Variants in RPL35A observed in about 807,000 individuals in gnomAD.
The protein encoded by RPL35A is large ribosomal subunit protein eL33.
Under a neutral mutation model 16.7 loss-of-function variants are expected in RPL35A, and 1 was observed. That is an observed-to-expected ratio of 0.06 (90% CI 0.02 to 0.28). RPL35A has a LOEUF of 0.28. RPL35A is among the 10% of genes least tolerant of loss of function. RPL35A has a pLI of 1.00. For missense variants in RPL35A, 91 were observed against 138.7 expected, an observed-to-expected ratio of 0.66 and a Z score of 1.73; for synonymous variants, 58 against 47.0, an observed-to-expected ratio of 1.23 and a Z score of -0.96.
rs890952619 is a variant in RPL35A, at chr3:197,956,088, C to T, written c.*315C>T. The T allele has an allele frequency of 2.9e-6, 1 of 346,764 alleles. No individual in the cohort carries two copies. Among genetic ancestry groups the T allele is most frequent in the Non-Finnish European group, 5.5e-6 (1 of 181,682 alleles). 21.5% of individuals were successfully genotyped at this position (346,764 alleles called of 1,614,324 possible). On this transcript the variant is annotated 3_prime_UTR_variant, in exon 5 of 5. Transcript: ENST00000647248. ...AATCCTCCCTTGGCCTTTGAAGTAG[C>T]TGGGACCACAGGCTCATGCCACCAT...
intron 1 of RPL35A, 115 bp downstream of exon 1, chr3:197,950,336 C>A: frequency 8.2e-7 from 1 of 1,225,622 alleles, no homozygotes; most frequent in Non-Finnish European, 1.0e-6. Flanking sequence ...TTGATTTCTA[C>A]GGGTTTCAAG....
intron 1 of RPL35A, 160 bp from the exon 2 acceptor site, chr3:197,950,776 G>A: frequency 1.5e-6 from 1 of 646,758 alleles, no homozygotes; most frequent in Non-Finnish European, 2.7e-6. Context: ...ATGTCTTGCC[G>A]GACCCTGCGT....
At chr3:197,951,398 G>A (rs558650615) in intron 3 of RPL35A, 87 bp downstream of exon 3, 1 of 1,436,806 alleles carries the variant, frequency 7.0e-7, no homozygotes, top group Non-Finnish European at 9.8e-7. Context: ...CTGTTGCCGA[G>A]GCTGGAATGC....
intron 4 of RPL35A, among the ~76,000 whole-genome samples, chr3:197,954,870 C>G (rs1283918725): frequency 6.6e-6 from 1 of 152,150 alleles, no homozygotes. Flanking sequence ...TAGAAAGCAA[C>G]AATTCAACAG....
intron 1 of RPL35A, 160 bp downstream of exon 1, chr3:197,950,381 G>A (rs1719954897): frequency 8.4e-7 from 1 of 1,196,640 alleles, no homozygotes; most frequent in Non-Finnish European, 1.0e-6. Flanking sequence ...ATGTTGGGCT[G>A]ATGGTGTTTG....
At chr3:197,952,330 T>C (rs903296523) in intron 3 of RPL35A, among the ~76,000 whole-genome samples, 5 of 150,688 alleles carry the variant, frequency 3.3e-5, no homozygotes, top group African/African-American at 1.2e-4. Context: ...CCACCATGCC[T>C]GTCTAATTTT....
chr3:197,952,884 G>C (rs1478714628), intron 3 of RPL35A, among the ~76,000 whole-genome samples: 1 of 151,610 alleles, frequency 6.6e-6, no homozygotes, highest in Non-Finnish European at 1.5e-5. Flanking sequence ...CCAGGCTGGA[G>C]TGCAGTGGTG....
rs188946843 is a variant in RPL35A at position 197,951,447 on chromosome 3, G to T, written c.164+136G>T. On this transcript the variant is annotated intron_variant, in intron 3 of 4. Coordinates refer to ENST00000647248, the MANE Select transcript of RPL35A (RefSeq NM_000996.4). ...CCCTCACCGAAACCTCCGCCTCCCG[G>T]GTTCAAGCAAGTGTCCTGTCTCAGC... 292 of 944,082 alleles carry T rather than the reference G, an allele frequency of 3.1e-4. 1 individual carries two copies. In the East Asian group the frequency reaches 5.2e-3, roughly 17 times the overall value. The allele number at this position is 944,082 out of a possible 1,614,324, so 58.5% of individuals were successfully genotyped here. A position where few individuals can be genotyped will look rare whatever the true frequency, so the allele number is the denominator to read the frequency against.
At chr3:197,954,368 T>TAG in intron 4 of RPL35A, 3 of 585,588 alleles carry the variant, frequency 5.1e-6, no homozygotes, top group Non-Finnish European at 9.1e-6. Context: ...GGGTCTCACT[T>TAG]TGTCACCCAG....
In RPL35A at chr3:197,951,226, C is replaced by G; in HGVS notation, c.79C>G (p.Leu27Val). The G allele has an allele frequency of 6.2e-7, 1 of 1,614,180 alleles. No individual in the cohort carries two copies. The highest frequency in any genetic ancestry group is 1.1e-5 in the South Asian group (1 of 91,080). The change falls in exon 3 of 5, where the codon CTT becomes GTT. Residue 27 changes from leucine (L) to valine (V), a missense_variant. Physicochemically the swap from Leu to Val is conservative, Grantham distance 32. Coordinates refer to ENST00000647248, the MANE Select transcript of RPL35A (RefSeq NM_000996.4). Reference protein sequence around the residue: ...GLRNQREHTALLKIEGVYARD... With the variant: ...GLRNQREHTAVLKIEGVYARD... ...CCGGAACCAAAGGGAGCACACAGCTCTTCTTAAAATTGAAGGTGTTTACGC... is the reference window on the plus strand; with the variant it reads ...CCGGAACCAAAGGGAGCACACAGCTGTTCTTAAAATTGAAGGTGTTTACGC...
chr3:197,951,528 T>C (rs1160559301), intron 3 of RPL35A: 1 of 536,902 alleles, frequency 1.9e-6, no homozygotes, highest in Non-Finnish European at 3.3e-6. Flanking sequence ...AGTTTTTGTA[T>C]TATTAGTAGA....
At chr3:197,953,419 G>T in intron 3 of RPL35A, 1 of 456,618 alleles carries the variant, frequency 2.2e-6, no homozygotes, top group South Asian at 1.5e-5. Flanking sequence ...TACATTGCTC[G>T]AACCACAGTA....
At chr3:197,950,404 C>A in intron 1 of RPL35A, 183 bp downstream of exon 1, 2 of 1,070,394 alleles carry the variant, frequency 1.9e-6, no homozygotes, top group South Asian at 4.6e-5. Context: ...CCCCTGACAC[C>A]CGGAGAACGG....
intron 1 of RPL35A, 147 bp downstream of exon 1, chr3:197,950,368 G>A: frequency 8.2e-7 from 1 of 1,213,552 alleles, no homozygotes; most frequent in Non-Finnish European, 1.0e-6. Context: ...CAGGATGGAG[G>A]AGATGTTGGG....
intron 3 of RPL35A, chr3:197,952,484 CTTTCT>C (rs1174310077): frequency 6.6e-6 from 1 of 151,374 alleles, no homozygotes; most frequent in African/African-American, 2.4e-5. Flanking sequence ...TTTTTCTTTT[CTTTCT>C]TTTCTTTTTT....
In RPL35A at chr3:197,951,268, T is replaced by C; in HGVS notation, c.121T>C (p.Phe41Leu). The C allele has an allele frequency of 6.2e-7, 1 of 1,614,154 alleles. No homozygotes were observed. Among genetic ancestry groups the C allele is most frequent in the Non-Finnish European group, 8.5e-7 (1 of 1,180,004 alleles). Residue 41 changes from phenylalanine to leucine, a missense_variant, in exon 3 of 5, where the codon TTC (phenylalanine) becomes CTC (leucine). Physicochemically the swap from Phe to Leu is conservative, Grantham distance 22. Coordinates refer to ENST00000647248, the MANE Select transcript of RPL35A (RefSeq NM_000996.4). ...EGVYARDETE[F>L]YLGKRCAYVY... ...TGTTTACGCCCGAGATGAAACAGAA[T>C]TCTATTTGGGCAAGAGATGCGCTTA...
rs1314526369 is a variant in RPL35A, at chr3:197,956,433, C to T, written c.*660C>T. ...AATAAAATTAAGCCATATTACTCCA[C>T]TCATAAAAAGCAATCCTATGGTAGG... On this transcript the variant is annotated 3_prime_UTR_variant, in exon 5 of 5. Coordinates refer to ENST00000647248, the MANE Select transcript of RPL35A (RefSeq NM_000996.4). 2 of 152,632 alleles carry T rather than the reference C, an allele frequency of 1.3e-5. No homozygotes were observed. The highest frequency in any genetic ancestry group is 2.1e-4 in the South Asian group (1 of 4,852). 9.5% of individuals were successfully genotyped at this position (152,632 alleles called of 1,614,324 possible).
At chr3:197,954,840 T>C (rs1351034455) in intron 4 of RPL35A, among the ~76,000 whole-genome samples, 2 of 152,202 alleles carry the variant, frequency 1.3e-5, no homozygotes, top group Non-Finnish European at 2.9e-5. Flanking sequence ...AAGATATTTA[T>C]TGGGCACTGA....
chr3:197,953,702 T>C, intron 3 of RPL35A: 1 of 459,140 alleles, frequency 2.2e-6, no homozygotes, highest in Non-Finnish European at 4.0e-6. Context: ...CTCACACTTG[T>C]CCTTTTTTGC....
Sources: gnomAD v4.1 joint callset for allele counts (sites outside exome capture counted in the v4.1 genomes callset) on GRCh38, gnomAD v4.1.1 for gene constraint, MANE v1.5 for transcripts, NCBI Gene and HGNC (gene_info 2026-07-23, HGNC 2026-07-21) for gene names.